ROBO1: variants seen among roughly 807,000 people sequenced by gnomAD.
ROBO1 encodes roundabout guidance receptor 1.
A neutral mutation model predicts 195.9 loss-of-function variants in ROBO1; 149 were observed. The observed-to-expected ratio is 0.76, with a 90% CI of 0.67 to 0.87. ROBO1 has a LOEUF of 0.87. ROBO1 is among the 40% of genes least tolerant of loss of function. The probability of loss-of-function intolerance (pLI) is 0.00; values close to 1 mark genes in which losing one functional copy is unlikely to be tolerated. For synonymous variants in ROBO1, 816 were observed against 733.2 expected, an observed-to-expected ratio of 1.11 and a Z score of -1.82; for missense variants, 1,933 against 2,068.3, an observed-to-expected ratio of 0.93 and a Z score of 1.27.
chr3:78,709,425 C>T (rs1430494498), intron 8 of ROBO1, among the ~76,000 whole-genome samples: 1 of 151,838 alleles, frequency 6.6e-6, no homozygotes, highest in African/African-American at 2.4e-5. Flanking sequence ...TTTACAGAGC[C>T]CAGAAAAAAT....
intron 2 of ROBO1, among the ~76,000 whole-genome samples, chr3:79,535,543 A>G (rs960026445): frequency 2.0e-5 from 3 of 152,210 alleles, no homozygotes; most frequent in Admixed American, 6.5e-5. Flanking sequence ...GTTGTCTGCA[A>G]TAACAAAGAT....
chr3:78,910,229 TATAAA>T (rs1469020172), intron 4 of ROBO1, among the ~76,000 whole-genome samples: 6 of 151,890 alleles, frequency 4.0e-5, no homozygotes, highest in Non-Finnish European at 8.8e-5. Context: ...TGCGTGTTCC[TATAAA>T]ATAAAGCTGC....
chr3:79,649,904 G>T (rs1306085635), intron 1 of ROBO1, among the ~76,000 whole-genome samples: 1 of 151,832 alleles, frequency 6.6e-6, no homozygotes, highest in Non-Finnish European at 1.5e-5. Context: ...TATTGGTTCT[G>T]TTTCTCTGGA....
intron 3 of ROBO1, among the ~76,000 whole-genome samples, chr3:79,109,819 G>A (rs1219073973): frequency 6.6e-6 from 1 of 151,956 alleles, no homozygotes; most frequent in Non-Finnish European, 1.5e-5. Context: ...ATTTTTTCAT[G>A]ACCTTTGTTT....
intron 10 of ROBO1, among the ~76,000 whole-genome samples, chr3:78,684,569 T>A (rs2081008542): frequency 6.6e-6 from 1 of 152,104 alleles, no homozygotes; most frequent in Admixed American, 6.6e-5. Context: ...GAAACAGTAT[T>A]CTAGCAACAG....
chr3:78,673,860 C>T (rs889259372), intron 10 of ROBO1, among the ~76,000 whole-genome samples: 14 of 151,524 alleles, frequency 9.2e-5, no homozygotes, highest in African/African-American at 2.7e-4. Context: ...CAATAAACAT[C>T]GCAGATAAAG....
chr3:79,120,119 C>T (rs1397492700), intron 3 of ROBO1, among the ~76,000 whole-genome samples: 1 of 151,992 alleles, frequency 6.6e-6, no homozygotes, highest in Non-Finnish European at 1.5e-5. Context: ...CATATACCCC[C>T]ATGTACTAAG....
intron 2 of ROBO1, among the ~76,000 whole-genome samples, chr3:79,172,381 C>A (rs776621102): frequency 1.2e-4 from 19 of 152,268 alleles, no homozygotes; most frequent in Non-Finnish European, 2.2e-4. Flanking sequence ...ATTGTATTAA[C>A]TAAATCTCTA....
At chr3:79,752,728 G>C (rs901488722) in intron 1 of ROBO1, among the ~76,000 whole-genome samples, 5 of 152,128 alleles carry the variant, frequency 3.3e-5, no homozygotes, top group African/African-American at 1.2e-4. Context: ...TATAATTATG[G>C]AAAATAGGTA....
intron 18 of ROBO1, among the ~76,000 whole-genome samples, chr3:78,654,008 C>T (rs1176964993): frequency 6.6e-6 from 1 of 152,230 alleles, no homozygotes; most frequent in Non-Finnish European, 1.5e-5. Context: ...TCTGCTAATA[C>T]AATCTGCTTT....
At chr3:79,729,168 CT>C (rs919787031) in intron 1 of ROBO1, among the ~76,000 whole-genome samples, 1 of 152,124 alleles carries the variant, frequency 6.6e-6, no homozygotes, top group South Asian at 2.1e-4. Flanking sequence ...ATGTAAGGTT[CT>C]TTTTTCCCAA....
At chr3:78,871,470 C>T (rs1443132938) in intron 4 of ROBO1, among the ~76,000 whole-genome samples, 3 of 152,072 alleles carry the variant, frequency 2.0e-5, no homozygotes, top group South Asian at 2.1e-4. Flanking sequence ...TTTCCTACGG[C>T]ATCAGTTGAT....
chr3:79,391,221 A>G (rs1273965681), intron 2 of ROBO1, among the ~76,000 whole-genome samples: 1 of 151,888 alleles, frequency 6.6e-6, no homozygotes, highest in Non-Finnish European at 1.5e-5. Flanking sequence ...TGAGCCCAAG[A>G]GTTGGAGGCT....
At chr3:78,641,491 A>T (rs1271711687) in intron 21 of ROBO1, among the ~76,000 whole-genome samples, 1 of 152,246 alleles carries the variant, frequency 6.6e-6, no homozygotes, top group Non-Finnish European at 1.5e-5. Context: ...TAACGTTTCC[A>T]AACTGTTGAA....
intron 3 of ROBO1, among the ~76,000 whole-genome samples, chr3:79,087,042 TA>T (rs1445817756): frequency 2.0e-5 from 3 of 152,004 alleles, no homozygotes; most frequent in South Asian, 2.1e-4. Context: ...GTGATGTTAT[TA>T]AAAATTATAA....
intron 4 of ROBO1, among the ~76,000 whole-genome samples, chr3:78,785,660 G>C (rs990477343): frequency 3.3e-5 from 5 of 151,984 alleles, no homozygotes; most frequent in African/African-American, 1.2e-4. Flanking sequence ...CTTACATGCT[G>C]GTTCAAGATT....
chr3:78,694,640 C>T (rs1374809968), intron 8 of ROBO1, among the ~76,000 whole-genome samples: 3 of 152,062 alleles, frequency 2.0e-5, no homozygotes, highest in Admixed American at 6.6e-5. Context: ...TATAGCATCA[C>T]CAGTTATGCT....
chr3:79,609,221 T>C (rs568618731), intron 1 of ROBO1, among the ~76,000 whole-genome samples: 5 of 151,606 alleles, frequency 3.3e-5, no homozygotes, highest in Admixed American at 6.6e-5. Context: ...TACCAAAATA[T>C]CACCATTTTC....
intron 1 of ROBO1, among the ~76,000 whole-genome samples, chr3:79,607,817 G>T (rs1944537225): frequency 6.6e-6 from 1 of 151,830 alleles, no homozygotes; most frequent in Non-Finnish European, 1.5e-5. Flanking sequence ...TCACGTGCGT[G>T]GCTCTCCCTA....
Sources: allele counts gnomAD v4.1 joint callset (sites outside exome capture counted in the v4.1 genomes callset), GRCh38; gene constraint gnomAD v4.1.1; transcripts MANE v1.5; gene names NCBI Gene and HGNC (gene_info 2026-07-23, HGNC 2026-07-21).